The following TRAPPC9 variants were observed in gnomAD, a reference collection of about 807,000 sequenced individuals.
TRAPPC9 encodes the protein IKK2 binding protein.
A neutral mutation model predicts 124.0 loss-of-function variants in TRAPPC9; 83 were observed. The observed-to-expected ratio is 0.67, with a 90% CI of 0.56 to 0.80. The LOEUF (loss-of-function observed/expected upper bound fraction) is 0.80, where lower values mean the gene tolerates loss of function less well. TRAPPC9 is among the 30% of genes least tolerant of loss of function. The pLI is 0.00. For synonymous variants in TRAPPC9, 638 were observed against 617.5 expected, an observed-to-expected ratio of 1.03 and a Z score of -0.49; for missense variants, 1,302 against 1,508.3, an observed-to-expected ratio of 0.86 and a Z score of 2.27.
At chr8:139,893,372 C>T (rs895725732) in intron 20 of TRAPPC9, among the ~76,000 whole-genome samples, 1 of 152,194 alleles carries the variant, frequency 6.6e-6, no homozygotes, top group Non-Finnish European at 1.5e-5. Flanking sequence ...CTTTCAGACC[C>T]AACACAACCA....
At chr8:139,810,803 C>T (rs565661631) in intron 21 of TRAPPC9, among the ~76,000 whole-genome samples, 5 of 149,314 alleles carry the variant, frequency 3.3e-5, no homozygotes, top group African/African-American at 1.2e-4. Context: ...CTCCTCTGGC[C>T]AGGCCAGAGG....
chr8:139,930,650 T>C (rs1833086748), intron 19 of TRAPPC9, among the ~76,000 whole-genome samples: 1 of 152,218 alleles, frequency 6.6e-6, no homozygotes, highest in African/African-American at 2.4e-5. Flanking sequence ...GCATCCCCCG[T>C]GTTTAGCCCC....
intron 15 of TRAPPC9, among the ~76,000 whole-genome samples, chr8:140,270,404 G>A (rs72690654): frequency 0.1 from 15,895 of 152,188 alleles, 1,101 homozygotes; most frequent in Admixed American, 0.17. Context: ...CTCGAAATGC[G>A]GCTGATAGGG....
intron 17 of TRAPPC9, among the ~76,000 whole-genome samples, chr8:140,122,922 TCA>T (rs904312112): frequency 6.6e-6 from 1 of 152,228 alleles, no homozygotes; most frequent in Non-Finnish European, 1.5e-5. Context: ...ACGAGGTTAT[TCA>T]CAGTTTGCAT....
chr8:139,892,986 C>T (rs1035706204), intron 20 of TRAPPC9, among the ~76,000 whole-genome samples: 21 of 152,318 alleles, frequency 1.4e-4, no homozygotes, highest in African/African-American at 5.1e-4. Flanking sequence ...TCCCCAGTGC[C>T]CGTTCTGCAG....
At chr8:140,445,699 C>G (rs2071224664) in intron 2 of TRAPPC9, among the ~76,000 whole-genome samples, 1 of 152,232 alleles carries the variant, frequency 6.6e-6, no homozygotes, top group African/African-American at 2.4e-5. Context: ...CTCTTCTGTT[C>G]CACCACCCTA....
intron 17 of TRAPPC9, among the ~76,000 whole-genome samples, chr8:140,154,918 T>C (rs2061602928): frequency 6.6e-6 from 1 of 152,168 alleles, no homozygotes; most frequent in African/African-American, 2.4e-5. Context: ...GAATGGCCAG[T>C]TCCCTCCTGC....
At chr8:139,954,591 A>C (rs1417568037) in intron 19 of TRAPPC9, among the ~76,000 whole-genome samples, 3 of 152,208 alleles carry the variant, frequency 2.0e-5, no homozygotes, top group Non-Finnish European at 1.5e-5. Flanking sequence ...AAATCAATAT[A>C]AGCATATTCT....
At chr8:140,290,506 CA>C (rs1250100112) in intron 12 of TRAPPC9, among the ~76,000 whole-genome samples, 4 of 152,092 alleles carry the variant, frequency 2.6e-5, no homozygotes, top group Non-Finnish European at 5.9e-5. Flanking sequence ...ACACCCTACA[CA>C]AAGCACAGAA....
intron 17 of TRAPPC9, among the ~76,000 whole-genome samples, chr8:140,044,812 T>G (rs1841484321): frequency 6.6e-6 from 1 of 152,150 alleles, no homozygotes; most frequent in African/African-American, 2.4e-5. Flanking sequence ...AAGAGAAAAT[T>G]TTCCCTTGTG....
At chr8:139,795,753 T>C (rs560880644) in intron 21 of TRAPPC9, among the ~76,000 whole-genome samples, 38 of 152,002 alleles carry the variant, frequency 2.5e-4, no homozygotes, top group South Asian at 8.3e-4. Flanking sequence ...CCTGGGCCAG[T>C]GAGCGTGAGG....
At chr8:140,051,588 T>TC (rs1842010071) in intron 17 of TRAPPC9, among the ~76,000 whole-genome samples, 1 of 150,610 alleles carries the variant, frequency 6.6e-6, no homozygotes, top group African/African-American at 2.4e-5. Flanking sequence ...TTTTTTTTTT[T>TC]TTTTTTTTTT....
intron 19 of TRAPPC9, among the ~76,000 whole-genome samples, chr8:139,976,884 C>T (rs1211149353): frequency 2.0e-5 from 3 of 152,146 alleles, no homozygotes; most frequent in Non-Finnish European, 4.4e-5. Flanking sequence ...TGTGGGGGAG[C>T]TGTAGGGGGA....
rs565945355 is a variant in TRAPPC9 at position 140,401,785 on chromosome 8, G to A, written c.1008+3792C>T. On this transcript the variant is annotated intron_variant, in intron 6 of 22. Transcript: ENST00000438773. ...ACAGCAGGTGTGCACCACCACACCC[G>A]GCTAATTTTTTTGTATATTTTGTAG... 1.9e-3 allele frequency among the ~76,000 whole-genome samples: 291 copies of A among 151,854 alleles called. 1 individual carries two copies. The highest frequency in any genetic ancestry group is 6.6e-3 in the African/African-American group (272 of 41,402).
At chr8:139,745,670 C>T (rs1818837536) in intron 21 of TRAPPC9, among the ~76,000 whole-genome samples, 1 of 152,196 alleles carries the variant, frequency 6.6e-6, no homozygotes. Context: ...GGATTTGCTG[C>T]CCTGGCTGGA....
At chr8:140,006,124 G>C (rs1337206128) in intron 18 of TRAPPC9, among the ~76,000 whole-genome samples, 1 of 152,136 alleles carries the variant, frequency 6.6e-6, no homozygotes, top group African/African-American at 2.4e-5. Context: ...GGCTATTCAA[G>C]TAAAAAGAAC....
chr8:139,893,483 C>T (rs944538840), intron 20 of TRAPPC9, among the ~76,000 whole-genome samples: 1 of 152,230 alleles, frequency 6.6e-6, no homozygotes, highest in Non-Finnish European at 1.5e-5. Flanking sequence ...CTGCAGTTGG[C>T]ACTTGCATGT....
intron 17 of TRAPPC9, among the ~76,000 whole-genome samples, chr8:140,120,700 ACATCCATCCAACAACCGTCCATC>A (rs1473943682): frequency 7.1e-6 from 1 of 140,476 alleles, no homozygotes; most frequent in Non-Finnish European, 1.5e-5. Context: ...CATCCATCCA[ACATCCATCCAACAACCGTCCATC>A]CATCCATCCA....
intron 19 of TRAPPC9, among the ~76,000 whole-genome samples, chr8:139,945,177 A>C (rs981387715): frequency 1.1e-4 from 16 of 152,132 alleles, no homozygotes; most frequent in African/African-American, 3.6e-4. Context: ...AAAAAGGCAA[A>C]ATTCAACTAT....
Sources: gnomAD v4.1 joint callset for allele counts (sites outside exome capture counted in the v4.1 genomes callset) on GRCh38, gnomAD v4.1.1 for gene constraint, MANE v1.5 for transcripts, NCBI Gene and HGNC (gene_info 2026-07-23, HGNC 2026-07-21) for gene names.